The following OSBPL11 variants were observed in gnomAD, a reference collection of about 807,000 sequenced individuals.
OSBPL11 encodes the protein oxysterol binding protein like 11.
A neutral mutation model predicts 84.4 loss-of-function variants in OSBPL11; 33 were observed. The observed-to-expected ratio is 0.39, with a 90% CI of 0.30 to 0.52. OSBPL11 has a LOEUF of 0.52. Ranked by LOEUF, OSBPL11 falls within the 20% of genes least tolerant of loss-of-function variation. OSBPL11 has a pLI of 0.72. For missense variants in OSBPL11, 736 were observed against 901.1 expected (o/e 0.82, Z 2.35); for synonymous variants, 276 against 310.2 (o/e 0.89, Z 1.16).
At chr3:125,542,512 T>A (rs1469269853) in intron 10 of OSBPL11, among the ~76,000 whole-genome samples, 1 of 149,478 alleles carries the variant, frequency 6.7e-6, no homozygotes, top group Non-Finnish European at 1.5e-5. Flanking sequence ...ATTTTGTATT[T>A]TTTTTTTTTT....
chr3:125,560,261 C>CA (rs1440170046), intron 8 of OSBPL11, 118 bp downstream of exon 8: 20 of 991,482 alleles, frequency 2.0e-5, no homozygotes, highest in African/African-American at 3.4e-5. Context: ...AACTCCATCT[C>CA]AAAAAAAATT....
At chr3:125,593,344 G>A (rs1180212168) in intron 1 of OSBPL11, among the ~76,000 whole-genome samples, 1 of 152,148 alleles carries the variant, frequency 6.6e-6, no homozygotes, top group Non-Finnish European at 1.5e-5. Context: ...TTCTGGCCAG[G>A]CGCGGTGGCT....
At chr3:125,535,560 C>T (rs1268321579) in intron 11 of OSBPL11, among the ~76,000 whole-genome samples, 1 of 150,312 alleles carries the variant, frequency 6.7e-6, no homozygotes, top group Non-Finnish European at 1.5e-5. Context: ...TCTCATGCCT[C>T]AGCCTCCCGA....
At chr3:125,584,361 A>G (rs1017885613) in intron 1 of OSBPL11, among the ~76,000 whole-genome samples, 1 of 152,128 alleles carries the variant, frequency 6.6e-6, no homozygotes, top group Non-Finnish European at 1.5e-5. Context: ...GTGAGACTCC[A>G]TCATAAACAA....
chr3:125,584,396 A>G (rs1198074035), intron 1 of OSBPL11, among the ~76,000 whole-genome samples: 1 of 151,902 alleles, frequency 6.6e-6, no homozygotes, highest in Non-Finnish European at 1.5e-5. Context: ...AAACAGAAAA[A>G]CTTACTCTTT....
At chr3:125,540,328 CAAAAAAAAAAAAAAAAA>C (rs201858368) in intron 10 of OSBPL11, among the ~76,000 whole-genome samples, 3 of 85,328 alleles carry the variant, frequency 3.5e-5, no homozygotes, top group Non-Finnish European at 6.4e-5. Context: ...GGCTCTGTCT[CAAAAAAAAAAAAAAAAA>C]AAAAAAAAAA....
chr3:125,589,658 A>T (rs2107614190), intron 1 of OSBPL11, among the ~76,000 whole-genome samples: 1 of 152,106 alleles, frequency 6.6e-6, no homozygotes, highest in South Asian at 2.1e-4. Flanking sequence ...TTTTTCTTCA[A>T]ATCAACTCAG....
chr3:125,569,098 C>T (rs1036688854), intron 5 of OSBPL11, among the ~76,000 whole-genome samples: 1 of 152,096 alleles, frequency 6.6e-6, no homozygotes, highest in African/African-American at 2.4e-5. Context: ...GTGTGTGCCA[C>T]AATGCCTGGC....
chr3:125,568,430 CAAAAAAAA>C (rs1052383358), intron 5 of OSBPL11, among the ~76,000 whole-genome samples: 1 of 75,662 alleles, frequency 1.3e-5, no homozygotes, highest in Non-Finnish European at 2.7e-5. Flanking sequence ...GACTACGTCT[CAAAAAAAA>C]AAAAAAAAGG....
Position 125,567,549 on chromosome 3 carries a change from A to G in OSBPL11, c.713T>C (p.Ile238Thr). ...EGQQRDLIRR[I>T]ECLPTSGHLS... is the part of the protein sequence containing the mutation. ...ATGGCCAGAAGTAGGAAGGCATTCA[A>G]TTCGTCTAATTAAGTCTCTTTGTTG... is the stretch of plus-strand genomic sequence containing the variant. Residue 238 changes from isoleucine to threonine, a missense_variant, in exon 6 of 13, where the codon ATT becomes ACT. By Grantham distance (89) the Ile-to-Thr change is moderately conservative. This residue lies in a region of OSBPL11 where 579 missense variants were observed against 717.6 expected (regional missense o/e 0.81). Transcript: ENST00000296220. 1 of 1,614,196 alleles carries G rather than the reference A, an allele frequency of 6.2e-7. No individual in the cohort carries two copies. Among genetic ancestry groups the G allele is most frequent in the Admixed American group, 1.7e-5 (1 of 60,022 alleles).
chr3:125,586,431 T>C (rs532041740), intron 1 of OSBPL11, among the ~76,000 whole-genome samples: 1 of 152,318 alleles, frequency 6.6e-6, no homozygotes, highest in East Asian at 1.9e-4. Flanking sequence ...TTATATTGTG[T>C]TTAGTTTGAT....
chr3:125,576,166 A>T, intron 5 of OSBPL11, 23 bp downstream of exon 5: 1 of 1,584,626 alleles, frequency 6.3e-7, no homozygotes, highest in Non-Finnish European at 8.6e-7. Context: ...GTGCATTTTA[A>T]CTTGACTTTA....
chr3:125,546,790 T>C (rs1473942010), intron 10 of OSBPL11, among the ~76,000 whole-genome samples: 1 of 151,814 alleles, frequency 6.6e-6, no homozygotes, highest in Non-Finnish European at 1.5e-5. Flanking sequence ...CTTGGGAGGC[T>C]GAGGCACAAA....
At position 125,528,892 on chromosome 3, in the gene OSBPL11, T is replaced by C. The variant is rs1935515060; in HGVS notation, c.*1623A>G. 1 of 152,662 alleles carries C rather than the reference T, an allele frequency of 6.6e-6. No individual in the cohort carries two copies. Among genetic ancestry groups the C allele is most frequent in the Admixed American group, 6.5e-5 (1 of 15,284 alleles). The allele number at this position is 152,662 out of a possible 1,614,324, so 9.5% of individuals were successfully genotyped here. Reference sequence around the variant, plus strand: ...CTCTAGTTTTATTATTTGTCAATTTTCCCAACACAGGAACTATAACTCATT... The same window carrying C: ...CTCTAGTTTTATTATTTGTCAATTTCCCCAACACAGGAACTATAACTCATT... On this transcript the variant is annotated 3_prime_UTR_variant, in exon 13 of 13. Coordinates refer to ENST00000296220, the MANE Select transcript of OSBPL11 (RefSeq NM_022776.5).
At chr3:125,551,319 T>C (rs888462083) in intron 9 of OSBPL11, among the ~76,000 whole-genome samples, 1 of 151,454 alleles carries the variant, frequency 6.6e-6, no homozygotes, top group African/African-American at 2.4e-5. Context: ...CAAAACTATA[T>C]ATATTATTAA....
chr3:125,552,110 GA>G (rs200224916), intron 9 of OSBPL11, 70 bp downstream of exon 9: 449 of 846,158 alleles, frequency 5.3e-4, no homozygotes, highest in South Asian at 7.1e-4. Flanking sequence ...TTCCTGCTTG[GA>G]AAAAAAAATA....
intron 4 of OSBPL11, among the ~76,000 whole-genome samples, chr3:125,577,523 G>A (rs1936343574): frequency 6.6e-6 from 1 of 152,076 alleles, no homozygotes; most frequent in Admixed American, 6.5e-5. Context: ...GTGTCGGCAA[G>A]GATGTACAGA....
At chr3:125,551,331 T>G (rs1935904843) in intron 9 of OSBPL11, among the ~76,000 whole-genome samples, 1 of 151,538 alleles carries the variant, frequency 6.6e-6, no homozygotes, top group African/African-American at 2.4e-5. Flanking sequence ...TATTATTAAT[T>G]CTAATTTTAT....
chr3:125,545,375 C>T (rs1019582870), intron 10 of OSBPL11, among the ~76,000 whole-genome samples: 4 of 152,202 alleles, frequency 2.6e-5, no homozygotes, highest in Admixed American at 6.5e-5. Context: ...GATTTTTTAG[C>T]TATAGTAACC....
Sources: gnomAD v4.1 joint callset for allele counts (sites outside exome capture counted in the v4.1 genomes callset) on GRCh38, gnomAD v4.1.1 for gene constraint, gnomAD v4.1.1 regional missense constraint, MANE v1.5 for transcripts, NCBI Gene and HGNC (gene_info 2026-07-23, HGNC 2026-07-21) for gene names.